PER2: variants seen among roughly 807,000 people sequenced by gnomAD.
The protein encoded by PER2 is period circadian protein homolog 2.
PER2 carries 66 observed loss-of-function variants against 121.0 expected under a neutral mutation model. That is an observed-to-expected ratio of 0.55 (90% CI 0.45 to 0.67). The LOEUF (loss-of-function observed/expected upper bound fraction) is 0.67. PER2 is among the 30% of genes least tolerant of loss of function. The pLI is 0.00. For synonymous variants in PER2, 684 were observed against 659.9 expected (o/e 1.04, Z -0.56); for missense variants, 1,521 against 1,635.0 (o/e 0.93, Z 1.20).
At chr2:238,292,345 C>T (rs935402280), upstream of PER2, among the ~76,000 whole-genome samples, 1 of 152,240 alleles carries the variant, frequency 6.6e-6, no homozygotes, top group Non-Finnish European at 1.5e-5. Flanking sequence ...GAGCCATCCA[C>T]GATGGGTGTG....
At chr2:238,272,345 G>A (rs1157581746) in intron 5 of PER2, among the ~76,000 whole-genome samples, 2 of 152,220 alleles carry the variant, frequency 1.3e-5, no homozygotes, top group African/African-American at 4.8e-5. Flanking sequence ...ACCTCCACCA[G>A]CCTTGCTGTC....
At chr2:238,258,216 ACT>A in intron 16 of PER2, 58 bp downstream of exon 16, 1 of 1,585,270 alleles carries the variant, frequency 6.3e-7, no homozygotes, top group African/African-American at 1.3e-5. Context: ...GGGACGTCTG[ACT>A]CTACTCCAGA....
chr2:238,283,054 G>A (rs566970808), intron 1 of PER2, among the ~76,000 whole-genome samples: 1 of 152,126 alleles, frequency 6.6e-6, no homozygotes. Context: ...ACCACTGTGG[G>A]GGCCCTTGCT....
chr2:238,255,622 T>G (rs1316114157), intron 18 of PER2, 35 bp downstream of exon 18: 2 of 1,612,126 alleles, frequency 1.2e-6, no homozygotes, highest in African/African-American at 2.7e-5. Context: ...GAATAAAGTT[T>G]TTTAAAACGC....
intron 8 of PER2, among the ~76,000 whole-genome samples, chr2:238,267,711 G>A (rs1248436548): frequency 6.6e-6 from 1 of 152,194 alleles, no homozygotes; most frequent in South Asian, 2.1e-4. Context: ...CAGGGGATGA[G>A]GATGGGAAGG....
intron 6 of PER2, among the ~76,000 whole-genome samples, chr2:238,269,665 C>T (rs1037197650): frequency 5.9e-5 from 9 of 151,796 alleles, no homozygotes; most frequent in African/African-American, 1.2e-4. Context: ...CAACTGAACA[C>T]ACGGTGCACT....
At chr2:238,251,798 C>T (rs770404549) in intron 19 of PER2, 37 bp from the exon 20 acceptor site, 1 of 1,135,184 alleles carries the variant, frequency 8.8e-7, no homozygotes, top group South Asian at 1.2e-5. Flanking sequence ...TGTTCAGGGG[C>T]TCAGTCAGGA....
rs1240607011 is a variant in PER2 at position 238,255,338 on chromosome 2, C to T, written c.2320+319G>A. 16 of 448,866 alleles carry T rather than the reference C, an allele frequency of 3.6e-5. No homozygotes were observed. In the East Asian group the frequency reaches 4.6e-4, roughly 13 times the overall value. 27.8% of individuals were successfully genotyped at this position (448,866 alleles called of 1,614,324 possible). The stretch of plus-strand genomic sequence containing the variant: ...GAATTCGCTGATTCTCTGGAGGTCC[C>T]GTCCAGGTGGGGCCCCTGCCCACAT... On this transcript the variant is annotated intron_variant, in intron 18 of 22. Transcript: ENST00000254657.
chr2:238,249,290 G>A (rs1559321102), intron 21 of PER2, 78 bp from the exon 22 acceptor site: 11 of 1,425,654 alleles, frequency 7.7e-6, no homozygotes, highest in Middle Eastern at 2.2e-4. Context: ...GAATAATGTA[G>A]TTTTAGATGA....
intron 22 of PER2, among the ~76,000 whole-genome samples, chr2:238,248,187 G>C (rs1364566333): frequency 6.6e-6 from 1 of 152,228 alleles, no homozygotes; most frequent in Admixed American, 6.5e-5. Context: ...AGGGCCTGGA[G>C]ACCAAGGGCA....
At chr2:238,256,247 C>G (rs1695756692) in intron 17 of PER2, among the ~76,000 whole-genome samples, 1 of 152,176 alleles carries the variant, frequency 6.6e-6, no homozygotes, top group Non-Finnish European at 1.5e-5. Context: ...GATCAACGTG[C>G]TGAGTCTTTC....
chr2:238,273,263 A>T, intron 4 of PER2, 72 bp from the exon 5 acceptor site: 1 of 1,501,770 alleles, frequency 6.7e-7, no homozygotes, highest in South Asian at 1.2e-5. Context: ...TAGCTCTTAC[A>T]AACTGAGGGC....
At chr2:238,246,598 C>T (rs1397432589) in intron 22 of PER2, 74 bp from the exon 23 acceptor site, 42 of 1,111,502 alleles carry the variant, frequency 3.8e-5, no homozygotes, top group Non-Finnish European at 4.5e-5. Flanking sequence ...TCAAATTGGC[C>T]GGGCGCGGTG....
rs937006457 is a variant in PER2 at position 238,244,745 on chromosome 2, A to C, written c.*1630T>G. On this transcript the variant is annotated 3_prime_UTR_variant, in exon 23 of 23. Coordinates refer to ENST00000254657, the MANE Select transcript of PER2 (RefSeq NM_022817.3). The stretch of plus-strand genomic sequence containing the variant: ...CAAAGAGATTTCACCTCCATCAAAA[A>C]ACAGAAAACCCTGGTCCCAGTTGGG... 4.6e-5 allele frequency: 7 copies of C among 152,172 alleles called. No individual in the cohort carries two copies. Among genetic ancestry groups the C allele is most frequent in the Non-Finnish European group, 8.8e-5 (6 of 68,054 alleles). 9.4% of individuals were successfully genotyped at this position (152,172 alleles called of 1,614,324 possible).
chr2:238,287,713 G>T (rs565123160), intron 1 of PER2, among the ~76,000 whole-genome samples: 26 of 152,298 alleles, frequency 1.7e-4, no homozygotes, highest in East Asian at 9.7e-4. Flanking sequence ...TGATTTTCAG[G>T]GTGCCTTCTG....
chr2:238,283,412 C>G (rs1696688193), intron 1 of PER2, among the ~76,000 whole-genome samples: 2 of 152,232 alleles, frequency 1.3e-5, no homozygotes, highest in South Asian at 4.1e-4. Flanking sequence ...AAGTGCTCAC[C>G]TCAGACTCCA....
chr2:238,276,481 A>C (rs1696459900), intron 3 of PER2, among the ~76,000 whole-genome samples: 1 of 152,232 alleles, frequency 6.6e-6, no homozygotes, highest in Admixed American at 6.5e-5. Context: ...TGGACTGTGC[A>C]CTAAGCTGTG....
rs549775190 is a variant in PER2 at position 238,278,510 on chromosome 2, G to A, written c.-19-555C>T. Among the ~76,000 whole-genome samples the A allele has an allele frequency of 7.9e-5, 12 of 152,286 alleles. No individual in the cohort carries two copies. The South Asian group carries it at 2.3e-3, about 29-fold the overall frequency. ...CTCAGCCCGACATAGAGCTGCTGAC[G>A]GCCTCATCAGAAGGCAGACAAGAGC... On this transcript the variant is annotated intron_variant, in intron 1 of 22. Transcript: ENST00000254657.
chr2:238,266,593 G>T (rs942204632), intron 8 of PER2, among the ~76,000 whole-genome samples: 5 of 152,216 alleles, frequency 3.3e-5, no homozygotes, highest in Non-Finnish European at 5.9e-5. Flanking sequence ...ATTCTTGAAG[G>T]AGACTGGTAA....
Sources: gnomAD v4.1 joint callset for allele counts (sites outside exome capture counted in the v4.1 genomes callset) on GRCh38, gnomAD v4.1.1 for gene constraint, MANE v1.5 for transcripts, NCBI Gene and HGNC (gene_info 2026-07-23, HGNC 2026-07-21) for gene names.